The following TNS1 variants were observed in gnomAD, a reference collection of about 807,000 sequenced individuals.
TNS1 encodes tensin 1.
TNS1 carries 62 observed loss-of-function variants against 168.6 expected under a neutral mutation model. The observed-to-expected ratio is 0.37, with a 90% confidence interval of 0.30 to 0.45. The LOEUF (loss-of-function observed/expected upper bound fraction) is 0.45. Among genes scored for constraint, TNS1 ranks in the 20% least tolerant of loss-of-function variants. The probability of loss-of-function intolerance (pLI) is 1.00; values close to 1 mark genes in which losing one functional copy is unlikely to be tolerated. For missense variants in TNS1, 2,240 were observed against 2,339.4 expected (o/e 0.96, Z 0.88); for synonymous variants, 934 against 933.2 (o/e 1.00, Z -0.02).
intron 17 of TNS1, 141 bp downstream of exon 17, chr2:217,882,205 T>A (rs1950748709): frequency 1.6e-6 from 1 of 625,260 alleles, no homozygotes; most frequent in Admixed American, 3.5e-5. Flanking sequence ...GGGTCCACTC[T>A]GAAACCCAGA....
chr2:217,941,251 C>T (rs1331592473), intron 3 of TNS1, among the ~76,000 whole-genome samples: 1 of 152,232 alleles, frequency 6.6e-6, no homozygotes, highest in African/African-American at 2.4e-5. Context: ...CACCCCCGGT[C>T]CTTGCACACC....
In TNS1 at chr2:217,807,987, A is replaced by C. The variant is rs1939507103; in HGVS notation, c.5375+88T>G. ...TTTTTGCTGCTCTTTCCCTACCCCC[A>C]GCCCTGGTTTCTAAATGTGCCCCGT... On this transcript the variant is annotated intron_variant, in intron 32 of 32. Coordinates refer to ENST00000682258, the MANE Select transcript of TNS1 (RefSeq NM_001387777.1). 4 of 1,505,400 alleles carry C rather than the reference A, an allele frequency of 2.7e-6. No homozygotes were observed. In the South Asian group the frequency reaches 4.6e-5, roughly 17 times the overall value. 93.3% of individuals were successfully genotyped at this position (1,505,400 alleles called of 1,614,324 possible). A position where few individuals can be genotyped will look rare whatever the true frequency, so the allele number is the denominator to read the frequency against.
intron 22 of TNS1, among the ~76,000 whole-genome samples, chr2:217,823,873 T>G (rs2552527): frequency 0.47 from 71,263 of 151,978 alleles, 17,418 homozygotes; most frequent in African/African-American, 0.61. Flanking sequence ...CTCCTCGAAA[T>G]CCTCCCTCAA....
rs542457997 is a variant in TNS1 at position 217,900,031 on chromosome 2, C to G, written c.371+432G>C. 2.6e-5 allele frequency among the ~76,000 whole-genome samples: 4 copies of G among 152,272 alleles called. No homozygotes were observed. In the South Asian group the frequency reaches 6.2e-4, roughly 24 times the overall value. ...TAGGGAACTTCCCTTTCATAAATGA[C>G]TCTGCCCAGTCAGAATCCTGTCTGC... On this transcript the variant is annotated intron_variant, in intron 7 of 32. Transcript: ENST00000682258.
rs536791113 is a variant in TNS1 at position 217,813,843 on chromosome 2, G to A, written c.4730-27C>T. ...TGCATGGGGAAGGGACAAGGAGAGA[G>A]GAGGAAGCAAGACCTCGGTGGCGCT... On this transcript the variant is annotated intron_variant, in intron 25 of 32. Coordinates refer to ENST00000682258, the MANE Select transcript of TNS1 (RefSeq NM_001387777.1). The surrounding 1 kb of genome is among the most constrained non-coding windows in gnomAD (Gnocchi z 4.0). 4.9e-5 allele frequency: 77 copies of A among 1,570,180 alleles called. 1 individual carries two copies. The Middle Eastern group carries it at 2.1e-3, about 42-fold the overall frequency.
intron 4 of TNS1, among the ~76,000 whole-genome samples, chr2:217,911,702 AG>A (rs1954431351): frequency 6.6e-6 from 1 of 152,198 alleles, no homozygotes. Flanking sequence ...GACTCACCCA[AG>A]GTTCCACAGC....
rs372830560 is a variant in TNS1, at chr2:217,835,169, G to A, written c.3205-3C>T. 6.2e-7 allele frequency: 1 copy of A among 1,602,574 alleles called. No individual in the cohort carries two copies. Reference sequence around the variant, plus strand: ...TCCTTGTAGCTGTGCAAATGGGGCTGTGGGAGAACACAGGGGAGAAAAAGA... The same window carrying A: ...TCCTTGTAGCTGTGCAAATGGGGCTATGGGAGAACACAGGGGAGAAAAAGA... On this transcript the variant is annotated splice_region_variant and splice_polypyrimidine_tract_variant and intron_variant, in intron 20 of 32. Transcript: ENST00000682258.
chr2:217,937,636 C>T (rs948079912), intron 3 of TNS1, among the ~76,000 whole-genome samples: 4 of 152,176 alleles, frequency 2.6e-5, no homozygotes, highest in African/African-American at 9.7e-5. Flanking sequence ...GGTGAAGTTC[C>T]ACAGCGTTGG....
At chr2:217,906,164 A>T (rs1220853510) in intron 6 of TNS1, among the ~76,000 whole-genome samples, 171 bp downstream of exon 6, 1 of 152,168 alleles carries the variant, frequency 6.6e-6, no homozygotes, top group African/African-American at 2.4e-5. Flanking sequence ...GCAGCACCAA[A>T]GGCTGAGGCC....
At chr2:217,902,848 G>A (rs1025107223) in intron 6 of TNS1, among the ~76,000 whole-genome samples, 4 of 152,292 alleles carry the variant, frequency 2.6e-5, no homozygotes, top group African/African-American at 7.2e-5. Flanking sequence ...TCTCACTGAC[G>A]GGGCTTCCTG....
chr2:217,913,716 G>A (rs969004300), intron 4 of TNS1, among the ~76,000 whole-genome samples: 7 of 151,980 alleles, frequency 4.6e-5, no homozygotes, highest in Admixed American at 4.6e-4. Context: ...TCCCCAGTGT[G>A]GTTTGTGGAC....
chr2:217,815,987 A>C (rs1941833265), intron 24 of TNS1, among the ~76,000 whole-genome samples: 1 of 151,962 alleles, frequency 6.6e-6, no homozygotes, highest in African/African-American at 2.4e-5. Flanking sequence ...CCCCACACAC[A>C]CCCATGCCCA....
At chr2:217,820,601 A>G (rs1942685578) in intron 23 of TNS1, among the ~76,000 whole-genome samples, 1 of 152,156 alleles carries the variant, frequency 6.6e-6, no homozygotes, top group Non-Finnish European at 1.5e-5. Flanking sequence ...TAGGGAGGGC[A>G]GTGGGCACGG....
chr2:217,925,094 T>C (rs141994090), intron 3 of TNS1, among the ~76,000 whole-genome samples: 31 of 152,352 alleles, frequency 2.0e-4, no homozygotes, highest in African/African-American at 7.2e-4. Context: ...CCTGAGTGTT[T>C]ATGCTTGCAA....
chr2:217,926,862 G>T (rs1403645300), intron 3 of TNS1, among the ~76,000 whole-genome samples: 1 of 152,236 alleles, frequency 6.6e-6, no homozygotes, highest in African/African-American at 2.4e-5. Context: ...GCTCACCCAG[G>T]TCTGCTGGAT....
Position 217,847,892 on chromosome 2 carries a change from A to T in TNS1, c.2625T>A (p.Ser875=), listed in dbSNP as rs1254681980. ...GTGGATGGGACTGACGGGAGGATCC[A>T]GAGAGGGGCTGGGAGGAGAGTGGAG... The part of the protein sequence containing the change: ...GASPLSSQPL[S]GSSRQSHPLT... Residue 875 remains serine (S), a synonymous_variant, in exon 19 of 33, where the codon TCT becomes TCA. Coordinates refer to ENST00000682258, the MANE Select transcript of TNS1 (RefSeq NM_001387777.1). The T allele has an allele frequency of 1.9e-6, 3 of 1,552,216 alleles. No homozygotes were observed. The African/African-American group carries it at 4.1e-5, about 21-fold the overall frequency.
chr2:217,819,736 AATTT>A, intron 23 of TNS1, among the ~76,000 whole-genome samples: 1 of 152,164 alleles, frequency 6.6e-6, no homozygotes, highest in Non-Finnish European at 1.5e-5. Flanking sequence ...TCTAGACCCA[AATTT>A]CTATCCAACT....
At chr2:217,915,354 T>C (rs1193472711) in intron 4 of TNS1, among the ~76,000 whole-genome samples, 1 of 152,234 alleles carries the variant, frequency 6.6e-6, no homozygotes, top group Non-Finnish European at 1.5e-5. Flanking sequence ...TGTTTCTTTA[T>C]CTGCAAAAGA....
chr2:217,889,373 C>T (rs1951523467), intron 12 of TNS1, among the ~76,000 whole-genome samples: 1 of 152,224 alleles, frequency 6.6e-6, no homozygotes, highest in East Asian at 1.9e-4. Flanking sequence ...GTGTTGGGAC[C>T]CTCAGCATGA....
Sources: allele counts gnomAD v4.1 joint callset (sites outside exome capture counted in the v4.1 genomes callset), GRCh38; gene constraint gnomAD v4.1.1; non-coding constraint Gnocchi (gnomAD v3.1); transcripts MANE v1.5; gene names NCBI Gene and HGNC (gene_info 2026-07-23, HGNC 2026-07-21).